The following ATP8A2 variants were observed in gnomAD, a reference collection of about 807,000 sequenced individuals.
ATP8A2 encodes the protein phospholipid-transporting ATPase IB.
ATP8A2 carries 100 observed loss-of-function variants against 165.6 expected under a neutral mutation model. The ratio of observed to expected loss-of-function variants is 0.60; its 90% CI spans 0.51 to 0.71. The LOEUF (loss-of-function observed/expected upper bound fraction) is 0.71. Ranked by LOEUF, ATP8A2 falls within the 30% of genes least tolerant of loss-of-function variation. The pLI is 0.00. For missense variants in ATP8A2, 1,227 were observed against 1,479.5 expected (o/e 0.83, Z 2.80); for synonymous variants, 543 against 548.8 (o/e 0.99, Z 0.15).
At chr13:25,377,890 G>T (rs7319620) in intron 1 of ATP8A2, among the ~76,000 whole-genome samples, 55,495 of 151,940 alleles carry the variant, frequency 0.37, 10,266 homozygotes, top group Admixed American at 0.42. Context: ...AGGCCCAGGT[G>T]GGAGGTTCAC....
At chr13:25,795,373 G>A (rs1424451948) in intron 27 of ATP8A2, among the ~76,000 whole-genome samples, 1 of 152,162 alleles carries the variant, frequency 6.6e-6, no homozygotes, top group Non-Finnish European at 1.5e-5. Flanking sequence ...ATTCACAAGT[G>A]CAAAGACCTT....
At chr13:26,007,240 A>G (rs988700479) in intron 35 of ATP8A2, among the ~76,000 whole-genome samples, 5 of 152,160 alleles carry the variant, frequency 3.3e-5, no homozygotes, top group African/African-American at 7.2e-5. Flanking sequence ...TGTTCATGAG[A>G]AATTTTAGTT....
At chr13:25,648,431 C>T (rs548273990) in intron 24 of ATP8A2, among the ~76,000 whole-genome samples, 2 of 152,110 alleles carry the variant, frequency 1.3e-5, no homozygotes, top group Admixed American at 1.3e-4. Flanking sequence ...TTTGGGAGGT[C>T]GAGGCAGGTG....
rs569841591 is a variant in ATP8A2 at position 25,764,918 on chromosome 13, G to A, written c.2385-4128G>A. ...AACCAGGCAGGTAAGATCGGAGGAG[G>A]TAAAGAATCTGCTTAGGTTTGTTCA... On this transcript the variant is annotated intron_variant, in intron 25 of 36. Transcript: ENST00000381655. 3.9e-5 allele frequency among the ~76,000 whole-genome samples: 6 copies of A among 152,254 alleles called. No individual in the cohort carries two copies. In the South Asian group the frequency reaches 1.0e-3, roughly 26 times the overall value.
intron 33 of ATP8A2, among the ~76,000 whole-genome samples, chr13:25,907,476 T>C (rs935607071): frequency 6.6e-6 from 1 of 152,254 alleles, no homozygotes; most frequent in African/African-American, 2.4e-5. Flanking sequence ...AGTTTCTAGA[T>C]GACAGTGGTC....
At chr13:25,858,826 C>G (rs1292995766) in intron 30 of ATP8A2, among the ~76,000 whole-genome samples, 3 of 152,094 alleles carry the variant, frequency 2.0e-5, no homozygotes, top group African/African-American at 7.2e-5. Context: ...CAGAACTCAA[C>G]ATTGAGTACA....
chr13:25,658,080 A>G (rs931381451), intron 24 of ATP8A2, among the ~76,000 whole-genome samples: 2 of 152,122 alleles, frequency 1.3e-5, no homozygotes, highest in African/African-American at 2.4e-5. Context: ...AGATTGGGCA[A>G]CTTGGCACCA....
intron 24 of ATP8A2, among the ~76,000 whole-genome samples, chr13:25,595,280 C>T (rs2040206643): frequency 6.6e-6 from 1 of 152,100 alleles, no homozygotes; most frequent in Non-Finnish European, 1.5e-5. Flanking sequence ...AGCATTAATT[C>T]TTTAACACAA....
At chr13:25,743,141 C>T (rs775696532) in intron 25 of ATP8A2, among the ~76,000 whole-genome samples, 1 of 151,738 alleles carries the variant, frequency 6.6e-6, no homozygotes, top group Non-Finnish European at 1.5e-5. Context: ...ACTGGTGTGT[C>T]CTTATAAAGA....
At chr13:25,484,254 G>C (rs775625393) in intron 2 of ATP8A2, among the ~76,000 whole-genome samples, 10 of 152,164 alleles carry the variant, frequency 6.6e-5, no homozygotes, top group African/African-American at 9.7e-5. Flanking sequence ...AATTCTTTAT[G>C]ATAGAATGGT....
chr13:25,504,672 G>A (rs1593416735), intron 2 of ATP8A2, among the ~76,000 whole-genome samples: 1 of 147,630 alleles, frequency 6.8e-6, no homozygotes, highest in Non-Finnish European at 1.5e-5. Flanking sequence ...CCCGGGAAGC[G>A]GAGCTTGCAG....
chr13:25,720,478 A>G (rs1366951697), intron 25 of ATP8A2, among the ~76,000 whole-genome samples: 1 of 152,096 alleles, frequency 6.6e-6, no homozygotes, highest in Non-Finnish European at 1.5e-5. Context: ...CCTCTGATAA[A>G]TGTATACTTC....
At chr13:25,898,135 GT>G (rs1370052797) in intron 33 of ATP8A2, among the ~76,000 whole-genome samples, 6 of 152,012 alleles carry the variant, frequency 3.9e-5, no homozygotes, top group African/African-American at 9.7e-5. Context: ...TTTCTGCTCT[GT>G]TTTTTCCCCA....
intron 2 of ATP8A2, among the ~76,000 whole-genome samples, chr13:25,513,554 T>C (rs1765950042): frequency 6.6e-6 from 1 of 151,294 alleles, no homozygotes; most frequent in African/African-American, 2.4e-5. Flanking sequence ...CCAGACGGGG[T>C]GGCGGCCGGG....
chr13:25,487,110 T>C (rs893396764), intron 2 of ATP8A2, among the ~76,000 whole-genome samples: 6 of 152,246 alleles, frequency 3.9e-5, no homozygotes, highest in African/African-American at 1.2e-4. Context: ...AAAACCTTTT[T>C]GCCAAGGTTT....
chr13:25,374,466 T>C (rs2032543187), intron 1 of ATP8A2, among the ~76,000 whole-genome samples: 1 of 151,876 alleles, frequency 6.6e-6, no homozygotes, highest in Non-Finnish European at 1.5e-5. Context: ...TGGAGGAAAA[T>C]GTGAGTTCAA....
intron 35 of ATP8A2, among the ~76,000 whole-genome samples, chr13:25,994,230 A>G (rs544528380): frequency 2.0e-5 from 3 of 152,142 alleles, no homozygotes; most frequent in Admixed American, 6.5e-5. Context: ...TAGGAGTTTT[A>G]TATCTATACA....
chr13:25,576,998 T>C, intron 19 of ATP8A2, 71 bp from the exon 20 acceptor site: 3 of 1,244,370 alleles, frequency 2.4e-6, no homozygotes, highest in African/African-American at 1.5e-5. Flanking sequence ...TTTGTTTTGA[T>C]TGGTGTTCAG....
intron 24 of ATP8A2, among the ~76,000 whole-genome samples, chr13:25,593,518 A>G (rs980261655): frequency 1.3e-5 from 2 of 152,194 alleles, no homozygotes; most frequent in African/African-American, 4.8e-5. Flanking sequence ...CCAGGGGGAC[A>G]CTAGATGATA....
Sources: gnomAD v4.1 joint callset for allele counts (sites outside exome capture counted in the v4.1 genomes callset) on GRCh38, gnomAD v4.1.1 for gene constraint, MANE v1.5 for transcripts, NCBI Gene and HGNC (gene_info 2026-07-23, HGNC 2026-07-21) for gene names.